GLRX3: variants seen among roughly 807,000 people sequenced by gnomAD.
GLRX3 encodes glutaredoxin 3.
In GLRX3, 22 loss-of-function variants were observed where a neutral mutation model predicts 49.5. That is an observed-to-expected ratio of 0.44 (90% confidence interval 0.32 to 0.63). GLRX3 has a LOEUF of 0.63. Ranked by LOEUF, GLRX3 falls within the 30% of genes least tolerant of loss-of-function variation. The pLI, the probability that GLRX3 is intolerant of heterozygous loss-of-function variation, is 0.05. For synonymous variants in GLRX3, 133 were observed against 140.0 expected (o/e 0.95, Z 0.35); for missense variants, 385 against 396.3 (o/e 0.97, Z 0.24).
At chr10:130,157,267 A>G (rs867012510) in intron 2 of GLRX3, among the ~76,000 whole-genome samples, 2 of 150,978 alleles carry the variant, frequency 1.3e-5, no homozygotes, top group Non-Finnish European at 3.0e-5. Flanking sequence ...CCTGCAGTCT[A>G]ACGGCTGGAG....
intron 3 of GLRX3, among the ~76,000 whole-genome samples, 167 bp from the exon 4 acceptor site, chr10:130,160,629 G>T (rs1302534065): frequency 6.6e-6 from 1 of 152,002 alleles, no homozygotes; most frequent in Admixed American, 6.6e-5. Context: ...TCTGAGAAAA[G>T]AAAAAAATTA....
Position 130,136,393 on chromosome 10 carries a change from T to G in GLRX3, c.-28T>G. The G allele has an allele frequency of 8.0e-7, 1 of 1,245,116 alleles. No homozygotes were observed. The highest frequency in any genetic ancestry group is 1.0e-6 in the Non-Finnish European group (1 of 989,026). The allele number at this position is 1,245,116 out of a possible 1,614,324, so 77.1% of individuals were successfully genotyped here. Reference sequence around the variant, plus strand: ...CCCGCCCACATCCGGCCGCCGGCACTGGATTGCTTCTGTCTGGCGGCGGCA... The same window carrying G: ...CCCGCCCACATCCGGCCGCCGGCACGGGATTGCTTCTGTCTGGCGGCGGCA... On this transcript the variant is annotated 5_prime_UTR_variant, in exon 1 of 11. Coordinates refer to ENST00000331244, the MANE Select transcript of GLRX3 (RefSeq NM_006541.5).
chr10:130,148,625 G>A (rs1862313175), intron 2 of GLRX3, among the ~76,000 whole-genome samples: 1 of 151,942 alleles, frequency 6.6e-6, no homozygotes, highest in African/African-American at 2.4e-5. Context: ...GTAGGAGCTG[G>A]TAAAAATAGA....
At chr10:130,154,342 C>T (rs935128538) in intron 2 of GLRX3, among the ~76,000 whole-genome samples, 4 of 152,156 alleles carry the variant, frequency 2.6e-5, no homozygotes, top group Admixed American at 2.0e-4. Flanking sequence ...GGGCTGCACC[C>T]ACTGTCCAAC....
At chr10:130,173,736 G>C (rs998996136) in intron 8 of GLRX3, among the ~76,000 whole-genome samples, 3 of 151,908 alleles carry the variant, frequency 2.0e-5, no homozygotes, top group African/African-American at 7.3e-5. Flanking sequence ...CTTACATTGG[G>C]GTTTTTAAAA....
chr10:130,161,423 C>G (rs1339086046), intron 4 of GLRX3, among the ~76,000 whole-genome samples: 1 of 152,150 alleles, frequency 6.6e-6, no homozygotes, highest in African/African-American at 2.4e-5. Flanking sequence ...AGTTCAGATT[C>G]AGCAATTAAA....
intron 6 of GLRX3, 141 bp from the exon 7 acceptor site, chr10:130,169,292 C>T (rs1244026089): frequency 2.9e-5 from 18 of 614,264 alleles, no homozygotes; most frequent in Middle Eastern, 2.6e-4. Flanking sequence ...AAAATGTCAA[C>T]GCATTTGCTT....
intron 7 of GLRX3, among the ~76,000 whole-genome samples, chr10:130,170,901 A>G (rs1482470427): frequency 6.6e-6 from 1 of 152,178 alleles, no homozygotes; most frequent in Non-Finnish European, 1.5e-5. Context: ...TGGGAGGCCA[A>G]GGCAGGTCCG....
chr10:130,161,453 G>T (rs1443007111), intron 4 of GLRX3, among the ~76,000 whole-genome samples: 1 of 152,128 alleles, frequency 6.6e-6, no homozygotes, highest in Non-Finnish European at 1.5e-5. Context: ...GAATTTTTCA[G>T]TGTTTTTGTG....
At chr10:130,159,416 T>C (rs1310942973) in intron 2 of GLRX3, among the ~76,000 whole-genome samples, 1 of 152,202 alleles carries the variant, frequency 6.6e-6, no homozygotes, top group Non-Finnish European at 1.5e-5. Context: ...ACATTGTAAA[T>C]AGACCGGAAG....
intron 1 of GLRX3, among the ~76,000 whole-genome samples, chr10:130,141,517 A>G (rs1209547880): frequency 6.6e-6 from 1 of 152,148 alleles, no homozygotes; most frequent in Non-Finnish European, 1.5e-5. Context: ...CTGATTTCTT[A>G]CTGTCACTGT....
At chr10:130,156,409 A>G (rs544337171) in intron 2 of GLRX3, among the ~76,000 whole-genome samples, 1 of 152,346 alleles carries the variant, frequency 6.6e-6, no homozygotes, top group East Asian at 1.9e-4. Context: ...AATTTCCAGC[A>G]TATGAATTTA....
chr10:130,174,970 GT>G, intron 9 of GLRX3, 26 bp from the exon 10 acceptor site: 1 of 1,571,926 alleles, frequency 6.4e-7, no homozygotes, highest in Non-Finnish European at 8.8e-7. Flanking sequence ...TGATAGGATG[GT>G]TTCAGGATTC....
rs1862050886 is a variant in GLRX3, at chr10:130,136,427, G to A, written c.7G>A (p.Ala3Thr). 1 of 1,254,740 alleles carries A rather than the reference G, an allele frequency of 8.0e-7. No homozygotes were observed. The allele number at this position is 1,254,740 out of a possible 1,614,324, so 77.7% of individuals were successfully genotyped here. Residue 3 changes from alanine (A) to threonine (T), a missense_variant, in exon 1 of 11, where the codon GCG becomes ACG. By Grantham distance (58) the Ala-to-Thr change is moderately conservative. This residue lies in a region of GLRX3 where 374 missense variants were observed against 358.6 expected (regional missense o/e 1.04). Transcript: ENST00000331244. ...TCTGTCTGGCGGCGGCAGCATGGCG[G>A]CGGGGGCGGCTGAGGCAGCTGTAGC... is the stretch of plus-strand genomic sequence containing the variant. MA[A>T]GAAEAAVAAV...
chr10:130,169,875 T>C (rs1364901361), intron 7 of GLRX3, among the ~76,000 whole-genome samples: 1 of 152,248 alleles, frequency 6.6e-6, no homozygotes, highest in East Asian at 1.9e-4. Flanking sequence ...TTTGCACCCC[T>C]AGATCGTCCT....
rs2134937284 is a variant in GLRX3 at position 130,179,651 on chromosome 10, T to C, written c.*259T>C. On this transcript the variant is annotated 3_prime_UTR_variant, in exon 11 of 11. Transcript: ENST00000331244. ...TGTATCTTTACAGCAGTATTAAACA[T>C]ACAGCTACTATAATTAACCCACCTT... 1 of 401,784 alleles carries C rather than the reference T, an allele frequency of 2.5e-6. No homozygotes were observed. The highest frequency in any genetic ancestry group is 5.7e-5 in the East Asian group (1 of 17,404). The allele number at this position is 401,784 out of a possible 1,614,324, so 24.9% of individuals were successfully genotyped here.
At chr10:130,161,931 A>G (rs1862583505) in intron 4 of GLRX3, among the ~76,000 whole-genome samples, 1 of 152,222 alleles carries the variant, frequency 6.6e-6, no homozygotes, top group Admixed American at 6.5e-5. Context: ...ATTAAATTAC[A>G]TATTAGCTTA....
intron 4 of GLRX3, 81 bp from the exon 5 acceptor site, chr10:130,166,426 G>A: frequency 1.1e-6 from 1 of 947,014 alleles, no homozygotes. Context: ...TAGATGATAT[G>A]TACGCTGAAC....
intron 1 of GLRX3, 82 bp from the exon 2 acceptor site, chr10:130,145,129 T>G (rs1862246818): frequency 5.3e-6 from 3 of 567,028 alleles, no homozygotes; most frequent in Non-Finnish European, 9.2e-6. Context: ...TTTCTTTTTT[T>G]TCTTTTTGGT....
Sources: allele counts gnomAD v4.1 joint callset (sites outside exome capture counted in the v4.1 genomes callset), GRCh38; gene constraint gnomAD v4.1.1; regional missense constraint gnomAD v4.1.1; transcripts MANE v1.5; gene names NCBI Gene and HGNC (gene_info 2026-07-23, HGNC 2026-07-21).